TTC21A: variants seen among roughly 807,000 people sequenced by gnomAD.
The protein encoded by TTC21A is tetratricopeptide repeat protein 21A.
Under a neutral mutation model 156.4 loss-of-function variants are expected in TTC21A, and 128 were observed. That is an observed-to-expected ratio of 0.82 (90% CI 0.71 to 0.95). TTC21A has a LOEUF of 0.95. Ranked by LOEUF, TTC21A falls within the 40% of genes least tolerant of loss-of-function variation. The probability of loss-of-function intolerance (pLI) is 0.00; values close to 1 mark genes in which losing one functional copy is unlikely to be tolerated. For missense variants in TTC21A, 1,435 were observed against 1,602.3 expected (o/e 0.90, Z 1.78); for synonymous variants, 587 against 617.1 (o/e 0.95, Z 0.72).
In TTC21A at chr3:39,112,442, C is replaced by T. The variant is rs1416120872; in HGVS notation, c.436-16C>T. 1 of 1,613,862 alleles carries T rather than the reference C, an allele frequency of 6.2e-7. No individual in the cohort carries two copies. Among genetic ancestry groups the T allele is most frequent in the African/African-American group, 1.3e-5 (1 of 74,914 alleles). ...CAGGACCAAGGACTTCATCTTTCATCTTGTTCTCATCCCAGGCCTATGTGC... is the reference window on the plus strand; with the variant it reads ...CAGGACCAAGGACTTCATCTTTCATTTTGTTCTCATCCCAGGCCTATGTGC... On this transcript the variant is annotated splice_polypyrimidine_tract_variant and intron_variant, in intron 4 of 28. Coordinates refer to ENST00000683103, the MANE Select transcript of TTC21A (RefSeq NM_001366900.1).
At position 39,138,359 on chromosome 3, in the gene TTC21A, G is replaced by A. The variant is rs1575569907; in HGVS notation, c.3768G>A (p.Lys1256=). 3.7e-6 allele frequency: 6 copies of A among 1,614,092 alleles called. No individual in the cohort carries two copies. Among genetic ancestry groups the A allele is most frequent in the Non-Finnish European group, 5.1e-6 (6 of 1,179,994 alleles). Reference sequence around the variant, plus strand: ...TCACCAACTACAAACTGGCCTGGAAGTACAGTCATCACGCCAACCCTGCCA... The same window carrying A: ...TCACCAACTACAAACTGGCCTGGAAATACAGTCATCACGCCAACCCTGCCA... ...DAVTNYKLAW[K]YSHHANPAIG... is the part of the protein sequence containing the mutation. The change falls in exon 27 of 29, where the codon AAG becomes AAA. Residue 1256 remains lysine, a synonymous_variant. Coordinates refer to ENST00000683103, the MANE Select transcript of TTC21A (RefSeq NM_001366900.1).
At chr3:39,135,693 G>C (rs1314048312) in intron 22 of TTC21A, among the ~76,000 whole-genome samples, 1 of 152,128 alleles carries the variant, frequency 6.6e-6, no homozygotes, top group Non-Finnish European at 1.5e-5. Flanking sequence ...CCACTTACTG[G>C]TTGTGCAACT....
intron 1 of TTC21A, among the ~76,000 whole-genome samples, chr3:39,108,609 G>A (rs1219679833): frequency 6.6e-6 from 1 of 152,178 alleles, no homozygotes; most frequent in African/African-American, 2.4e-5. Flanking sequence ...AACCTTAGAG[G>A]AAGTGAAACT....
chr3:39,123,568 A>G (rs2037952989), intron 9 of TTC21A, among the ~76,000 whole-genome samples: 1 of 152,226 alleles, frequency 6.6e-6, no homozygotes, highest in Non-Finnish European at 1.5e-5. Flanking sequence ...TAAATTTCAG[A>G]TGAATTAAGT....
chr3:39,120,918 T>A, intron 8 of TTC21A, 79 bp from the exon 9 acceptor site: 1 of 1,302,824 alleles, frequency 7.7e-7, no homozygotes, highest in Non-Finnish European at 1.1e-6. Context: ...TACCAAAGTG[T>A]CCCCCGTTTC....
At chr3:39,109,330 C>A in intron 2 of TTC21A, 116 bp downstream of exon 2, 1 of 1,187,374 alleles carries the variant, frequency 8.4e-7, no homozygotes, top group Non-Finnish European at 1.2e-6. Context: ...AACAGTTTCA[C>A]ACTCAGCGGC....
intron 7 of TTC21A, chr3:39,119,023 C>G (rs1468991622): frequency 2.6e-5 from 4 of 152,184 alleles, no homozygotes; most frequent in African/African-American, 9.7e-5. Flanking sequence ...TCCTCAGCTC[C>G]CTGTGACTCC....
intron 27 of TTC21A, 34 bp downstream of exon 27, chr3:39,138,421 C>CGTGGGAGGGAG (rs1559724274): frequency 2.9e-5 from 47 of 1,613,494 alleles, no homozygotes; most frequent in Non-Finnish European, 3.7e-5. Flanking sequence ...CGTGAATGGA[C>CGTGGGAGGGAG]GTGGGAGGGA....
Position 39,130,791 on chromosome 3 carries a change from G to A in TTC21A, c.2410G>A (p.Val804Ile), listed in dbSNP as rs1294663057. Residue 804 changes from valine to isoleucine, a missense_variant, in exon 18 of 29, where the codon GTC (valine) becomes ATC (isoleucine). Transcript: ENST00000683103. This position sits in a 1 kb window ranked among gnomAD's most constrained non-coding sequence, Gnocchi z 4.5. ...CAAACTGCTCCTGAAGTTAAAGAAGGTCAATAAAGCAGAAAAAGTTTTGAA... is the reference window on the plus strand; with the variant it reads ...CAAACTGCTCCTGAAGTTAAAGAAGATCAATAAAGCAGAAAAAGTTTTGAA... ...LGKLLLKLKK[V>I]NKAEKVLKQA... 2.8e-5 allele frequency: 46 copies of A among 1,614,208 alleles called. No homozygotes were observed. The highest frequency in any genetic ancestry group is 3.7e-5 in the Non-Finnish European group (44 of 1,180,040).
rs1332808176 is a variant in TTC21A, at chr3:39,134,134, G to A, written c.2752-84G>A. On this transcript the variant is annotated intron_variant, in intron 20 of 28. Coordinates refer to ENST00000683103, the MANE Select transcript of TTC21A (RefSeq NM_001366900.1). This position sits in a 1 kb window ranked among gnomAD's most constrained non-coding sequence, Gnocchi z 4.6. ...AAGGCAGAGCTGATAGAAGTGGGGT[G>A]TGAGGGAAAGAGCTGTCAAGGATAA... is the stretch of plus-strand genomic sequence containing the variant. 1.2e-6 allele frequency: 1 copy of A among 833,954 alleles called. No individual in the cohort carries two copies. The highest frequency in any genetic ancestry group is 2.1e-6 in the Non-Finnish European group (1 of 480,596). 51.7% of individuals were successfully genotyped at this position (833,954 alleles called of 1,614,324 possible).
At chr3:39,115,570 G>T (rs1162822361) in intron 6 of TTC21A, among the ~76,000 whole-genome samples, 1 of 152,128 alleles carries the variant, frequency 6.6e-6, no homozygotes, top group Non-Finnish European at 1.5e-5. Flanking sequence ...GGAGGCTGAG[G>T]CAGGAGAATC....
chr3:39,109,964 C>T, intron 2 of TTC21A, 65 bp from the exon 3 acceptor site: 1 of 1,221,898 alleles, frequency 8.2e-7, no homozygotes, highest in South Asian at 1.3e-5. Context: ...GTTGGGTCAG[C>T]TACAGAGTCT....
intron 4 of TTC21A, among the ~76,000 whole-genome samples, chr3:39,112,029 G>T (rs892135490): frequency 6.6e-6 from 1 of 152,172 alleles, no homozygotes; most frequent in Admixed American, 6.5e-5. Context: ...GCCAGGCCTC[G>T]TGCTGGCCTA....
chr3:39,126,923 A>G (rs952874865), intron 12 of TTC21A, among the ~76,000 whole-genome samples: 5 of 152,334 alleles, frequency 3.3e-5, no homozygotes, highest in Admixed American at 1.3e-4. Flanking sequence ...GAGGGAGCAC[A>G]TCGTATTTTT....
intron 9 of TTC21A, among the ~76,000 whole-genome samples, chr3:39,121,899 A>T (rs1040249793): frequency 2.0e-5 from 3 of 152,246 alleles, no homozygotes; most frequent in Admixed American, 6.5e-5. Context: ...TCATCTGCAT[A>T]GCACATTTAT....
rs1474857151 is a variant in TTC21A at position 39,112,540 on chromosome 3, G to A, written c.518G>A (p.Gly173Glu). 6.2e-7 allele frequency: 1 copy of A among 1,614,108 alleles called. No individual in the cohort carries two copies. ...AKKAIEYLEQ[G>E]IQDTKDVLGL... ...AAAGCCATTGAGTACCTGGAACAAG[G>A]AATTCAGGACACCAAAGATGTGCTG... Residue 173 changes from glycine (G) to glutamate (E), a missense_variant, in exon 5 of 29, where the codon GGA (glycine) becomes GAA (glutamate). Coordinates refer to ENST00000683103, the MANE Select transcript of TTC21A (RefSeq NM_001366900.1).
intron 5 of TTC21A, among the ~76,000 whole-genome samples, chr3:39,113,768 C>G (rs1389224769): frequency 6.6e-6 from 1 of 152,230 alleles, no homozygotes; most frequent in Non-Finnish European, 1.5e-5. Flanking sequence ...CAGTCTTCTA[C>G]TGTATGAGCA....
chr3:39,125,311 A>T, intron 10 of TTC21A, 21 bp from the exon 11 acceptor site: 1 of 1,610,966 alleles, frequency 6.2e-7, no homozygotes, highest in Non-Finnish European at 8.5e-7. Context: ...TGGCACTGAG[A>T]CTCGGTCCTC....
Position 39,136,563 on chromosome 3 carries a change from G to T in TTC21A, c.3095+56G>T. The T allele has an allele frequency of 2.5e-6, 4 of 1,586,370 alleles. No individual in the cohort carries two copies. In the South Asian group the frequency reaches 4.5e-5, roughly 18 times the overall value. On this transcript the variant is annotated intron_variant, in intron 23 of 28. Coordinates refer to ENST00000683103, the MANE Select transcript of TTC21A (RefSeq NM_001366900.1). Reference sequence around the variant, plus strand: ...CTGTGTGCAGGAAGCCCTACTGGCAGATAGGCTAGGCCCTTGCTCTGCACA... The same window carrying T: ...CTGTGTGCAGGAAGCCCTACTGGCATATAGGCTAGGCCCTTGCTCTGCACA...
Sources: gnomAD v4.1 joint callset for allele counts (sites outside exome capture counted in the v4.1 genomes callset) on GRCh38, gnomAD v4.1.1 for gene constraint, Gnocchi (gnomAD v3.1) non-coding constraint, MANE v1.5 for transcripts, NCBI Gene and HGNC (gene_info 2026-07-23, HGNC 2026-07-21) for gene names.